The following ABCC2 variants were observed in gnomAD, a reference collection of about 807,000 sequenced individuals.
ABCC2 encodes the protein ATP-binding cassette sub-family C member 2.
ABCC2 carries 157 observed loss-of-function variants against 173.4 expected under a neutral mutation model. The ratio of observed to expected loss-of-function variants is 0.91; its 90% CI spans 0.80 to 1.03. ABCC2 has a LOEUF of 1.03. ABCC2 is among the 50% of genes least tolerant of loss of function. The pLI is 0.00. For synonymous variants in ABCC2, 657 were observed against 693.5 expected (o/e 0.95, Z 0.83); for missense variants, 1,822 against 1,852.3 (o/e 0.98, Z 0.30).
chr10:99,851,397 T>C, intron 31 of ABCC2, 105 bp from the exon 32 acceptor site: 2 of 1,342,200 alleles, frequency 1.5e-6, no homozygotes, highest in South Asian at 2.4e-5. Flanking sequence ...CACTGCTTTG[T>C]AGCCTTGTCT....
rs183209158 is a variant in ABCC2 at position 99,843,715 on chromosome 10, C to A, written c.3742-84C>A. The stretch of plus-strand genomic sequence containing the variant: ...TCCAGCACAGTGCTGGGTACAAAGT[C>A]GGCACTGGATTGTCCTTGTGGTTTG... On this transcript the variant is annotated intron_variant, in intron 26 of 31. Coordinates refer to ENST00000647814, the MANE Select transcript of ABCC2 (RefSeq NM_000392.5). 8 of 1,103,586 alleles carry A rather than the reference C, an allele frequency of 7.2e-6. No homozygotes were observed. In the East Asian group the frequency reaches 1.9e-4, roughly 26 times the overall value. The allele number at this position is 1,103,586 out of a possible 1,614,324, so 68.4% of individuals were successfully genotyped here.
At chr10:99,798,852 CCATGAAAAGAACAAG>C (rs2037964334) in intron 7 of ABCC2, among the ~76,000 whole-genome samples, 1 of 152,106 alleles carries the variant, frequency 6.6e-6, no homozygotes, top group Non-Finnish European at 1.5e-5. Context: ...CTCACAGCAA[CCATGAAAAGAACAAG>C]CATGAAAAGA....
chr10:99,830,933 C>T (rs1032920712), intron 21 of ABCC2, 82 bp downstream of exon 21: 61 of 1,507,354 alleles, frequency 4.0e-5, no homozygotes, highest in African/African-American at 6.9e-5. Context: ...GAAAATTGAA[C>T]GCATACTTAC....
At position 99,797,096 on chromosome 10, in the gene ABCC2, G is replaced by T. The variant is rs1242558715; in HGVS notation, c.633-1G>T. ...CAGCCTGTGGTTCGCTCTTGTTCCA[G>T]CATCATTCTGAAAGGCTACAAGCGT... On this transcript the variant is annotated splice_acceptor_variant, in intron 6 of 31. Transcript: ENST00000647814. LOFTEE classifies it high-confidence loss of function. 2 of 1,613,952 alleles carry T rather than the reference G, an allele frequency of 1.2e-6. No homozygotes were observed. Among genetic ancestry groups the T allele is most frequent in the Non-Finnish European group, 1.7e-6 (2 of 1,179,892 alleles).
At chr10:99,805,966 T>C (rs1412454334) in intron 11 of ABCC2, among the ~76,000 whole-genome samples, 1 of 152,178 alleles carries the variant, frequency 6.6e-6, no homozygotes, top group African/African-American at 2.4e-5. Flanking sequence ...GCCTCATATG[T>C]GCCTTTTGTT....
At position 99,850,758 on chromosome 10, in the gene ABCC2, C is replaced by T; in HGVS notation, c.4470C>T (p.Thr1490=). The change falls in exon 31 of 32, where the codon ACC becomes ACT. Residue 1490 remains threonine, a synonymous_variant. Transcript: ENST00000647814. ...QNEFAHCTVI[T]IAHRLHTIMD... is the part of the protein sequence containing the mutation. ...AGTTCGCCCACTGCACAGTGATCAC[C>T]ATCGCCCACAGGCTGCACACCATCA... 1.9e-6 allele frequency: 3 copies of T among 1,614,208 alleles called. No homozygotes were observed. The highest frequency in any genetic ancestry group is 2.2e-5 in the South Asian group (2 of 91,088).
chr10:99,793,429 G>C (rs569808750), intron 3 of ABCC2, 122 bp from the exon 4 acceptor site: 1 of 1,426,702 alleles, frequency 7.0e-7, no homozygotes, highest in Non-Finnish European at 9.8e-7. Context: ...TACCTGGCCA[G>C]ATTAGTCACG....
intron 24 of ABCC2, among the ~76,000 whole-genome samples, chr10:99,835,740 T>A (rs2038809835): frequency 6.6e-6 from 1 of 152,188 alleles, no homozygotes. Context: ...GGGGACCTTT[T>A]CTCTAATGAG....
At chr10:99,837,182 C>T (rs1281088210) in intron 25 of ABCC2, among the ~76,000 whole-genome samples, 1 of 137,806 alleles carries the variant, frequency 7.3e-6, no homozygotes, top group Non-Finnish European at 1.5e-5. Context: ...GTTGCCCAGG[C>T]TGGAGTGCAA....
At position 99,782,645 on chromosome 10, in the gene ABCC2, C is replaced by T; in HGVS notation, c.-200C>T. On this transcript the variant is annotated 5_prime_UTR_variant, in exon 1 of 32. Coordinates refer to ENST00000647814, the MANE Select transcript of ABCC2 (RefSeq NM_000392.5). ...CCCTGTCCCTAGGGCTTTTTAGTCA[C>T]ATGTCCATCCACTGTTTCAATGTAA... 3.2e-6 allele frequency: 2 copies of T among 633,436 alleles called. No homozygotes were observed. Among genetic ancestry groups the T allele is most frequent in the South Asian group, 3.9e-5 (2 of 51,708 alleles). 39.2% of individuals were successfully genotyped at this position (633,436 alleles called of 1,614,324 possible). A position where few individuals can be genotyped will look rare whatever the true frequency, so the allele number is the denominator to read the frequency against.
intron 19 of ABCC2, among the ~76,000 whole-genome samples, chr10:99,821,429 G>A (rs534632993): frequency 2.0e-5 from 3 of 152,140 alleles, no homozygotes; most frequent in Admixed American, 1.3e-4. Flanking sequence ...CCCTTCCCAC[G>A]AGGCCATATT....
intron 29 of ABCC2, 27 bp from the exon 30 acceptor site, chr10:99,846,934 A>G (rs2039025896): frequency 6.2e-7 from 1 of 1,613,942 alleles, no homozygotes; most frequent in Non-Finnish European, 8.5e-7. Context: ...ATGAGCCCCA[A>G]CAGCCCCCTT....
At chr10:99,819,013 A>T (rs1226996302) in intron 18 of ABCC2, 56 bp downstream of exon 18, 3 of 1,610,646 alleles carry the variant, frequency 1.9e-6, no homozygotes, top group Non-Finnish European at 2.5e-6. Context: ...GGGAGAGGGG[A>T]GGACATGTCT....
In ABCC2 at chr10:99,807,506, G is replaced by A; in HGVS notation, c.1653G>A (p.Gln551=). ...AGTGTGTAGTAATATTCGTCTTCCA[G>A]TTAACTCCAGTCCTGGTGAGTAGCA... ...QLQCVVIFVF[Q]LTPVLVSVVT... Residue 551 remains glutamine (Q), a synonymous_variant, in exon 12 of 32, where the codon CAG becomes CAA. Transcript: ENST00000647814. The A allele has an allele frequency of 1.2e-6, 2 of 1,614,134 alleles. No individual in the cohort carries two copies. Among genetic ancestry groups the A allele is most frequent in the Non-Finnish European group, 1.7e-6 (2 of 1,179,990 alleles).
intron 8 of ABCC2, among the ~76,000 whole-genome samples, 160 bp downstream of exon 8, chr10:99,799,530 C>T (rs1031069856): frequency 6.6e-6 from 1 of 152,126 alleles, no homozygotes; most frequent in African/African-American, 2.4e-5. Context: ...TCATGAAGAC[C>T]GCAGGCAGTT....
At chr10:99,832,581 G>T (rs547670923) in intron 23 of ABCC2, among the ~76,000 whole-genome samples, 1 of 152,312 alleles carries the variant, frequency 6.6e-6, no homozygotes, top group African/African-American at 2.4e-5. Context: ...TTCTGCAGAG[G>T]AAGGAACATA....
intron 3 of ABCC2, among the ~76,000 whole-genome samples, 165 bp downstream of exon 3, chr10:99,792,524 T>A (rs185749636): frequency 6.6e-6 from 1 of 152,332 alleles, no homozygotes; most frequent in African/African-American, 2.4e-5. Context: ...AAATTTTAGC[T>A]TTTCATCTTC....
At chr10:99,799,933 G>A (rs2037984499) in intron 8 of ABCC2, among the ~76,000 whole-genome samples, 1 of 152,204 alleles carries the variant, frequency 6.6e-6, no homozygotes, top group African/African-American at 2.4e-5. Flanking sequence ...TGGACATGGT[G>A]GCTCATGACT....
chr10:99,814,132 T>TACACAC lies in ABCC2; in HGVS notation c.2094+988_2094+989insACACAC, dbSNP rs1554850446. Among the ~76,000 whole-genome samples the TACACAC allele has an allele frequency of 6.0e-5, 4 of 66,606 alleles. 1 individual carries two copies. Among genetic ancestry groups the TACACAC allele is most frequent in the African/African-American group, 2.4e-4 (4 of 16,830 alleles). The allele number at this position is 66,606 out of a possible 152,430, so 43.7% of individuals were successfully genotyped here. A position where few individuals can be genotyped will look rare whatever the true frequency, so the allele number is the denominator to read the frequency against. On this transcript the variant is annotated intron_variant, in intron 16 of 31. Transcript: ENST00000647814. ...ATATGTGTATATACACACATATGTG[T>TACACAC]GTATATATACACACATGTATGTATA...
Sources: allele counts gnomAD v4.1 joint callset (sites outside exome capture counted in the v4.1 genomes callset), GRCh38; gene constraint gnomAD v4.1.1; transcripts MANE v1.5; gene names NCBI Gene and HGNC (gene_info 2026-07-23, HGNC 2026-07-21).